RABGAP1L: variants seen among roughly 807,000 people sequenced by gnomAD.
RABGAP1L encodes the protein RAB GTPase activating protein 1 like.
Under a neutral mutation model 137.7 loss-of-function variants are expected in RABGAP1L, and 63 were observed. That is an observed-to-expected ratio of 0.46 (90% CI 0.37 to 0.56). The LOEUF (loss-of-function observed/expected upper bound fraction) is 0.56. Ranked by LOEUF, RABGAP1L falls within the 20% of genes least tolerant of loss-of-function variation. The probability of loss-of-function intolerance (pLI) is 0.00; values close to 1 mark genes in which losing one functional copy is unlikely to be tolerated. For synonymous variants in RABGAP1L, 431 were observed against 433.7 expected (o/e 0.99, Z 0.08); for missense variants, 1,095 against 1,244.0 (o/e 0.88, Z 1.80).
intron 24 of RABGAP1L, among the ~76,000 whole-genome samples, chr1:174,987,913 G>C (rs867978561): frequency 6.6e-6 from 1 of 151,970 alleles, no homozygotes; most frequent in Non-Finnish European, 1.5e-5. Flanking sequence ...GGGTTCAAGC[G>C]ATTCTCCTGC....
intron 18 of RABGAP1L, among the ~76,000 whole-genome samples, chr1:174,791,208 A>G (rs555169274): frequency 1.3e-5 from 2 of 152,260 alleles, no homozygotes; most frequent in Admixed American, 6.5e-5. Flanking sequence ...AAAAAAGAAA[A>G]AAAAATGAAT....
intron 12 of RABGAP1L, among the ~76,000 whole-genome samples, chr1:174,392,257 T>G (rs1647251889): frequency 6.6e-6 from 1 of 152,228 alleles, no homozygotes; most frequent in South Asian, 2.1e-4. Flanking sequence ...CTACTTTCCC[T>G]TTTAATTCTA....
At chr1:174,445,545 A>G (rs1198839780) in intron 13 of RABGAP1L, among the ~76,000 whole-genome samples, 1 of 152,188 alleles carries the variant, frequency 6.6e-6, no homozygotes, top group Non-Finnish European at 1.5e-5. Context: ...AGTTAAATAC[A>G]TCAAACTCAG....
Position 174,904,347 on chromosome 1 carries a change from G to A in RABGAP1L, c.2341-53110G>A, listed in dbSNP as rs188518450. 2.1e-4 allele frequency among the ~76,000 whole-genome samples: 32 copies of A among 152,202 alleles called. No homozygotes were observed. In the East Asian group the frequency reaches 5.2e-3, roughly 25 times the overall value. On this transcript the variant is annotated intron_variant, in intron 19 of 25. Coordinates refer to ENST00000681986, the MANE Select transcript of RABGAP1L (RefSeq NM_001366446.1). The stretch of plus-strand genomic sequence containing the variant: ...GGTTGTACCACTGCACTCCAGCCTG[G>A]GTGACTGAACAAGACTATGTCTCTA...
rs534658798 is a variant in RABGAP1L at position 174,880,158 on chromosome 1, A to G, written c.2340+68198A>G. On this transcript the variant is annotated intron_variant, in intron 19 of 25. Transcript: ENST00000681986. ...CTGTTGCATGCTTTCCTTGTATAAT[A>G]TACATAATTTATGTTTTTATAATTA... Among the ~76,000 whole-genome samples, 11 of 152,246 alleles carry G rather than the reference A, an allele frequency of 7.2e-5. No individual in the cohort carries two copies. The South Asian group carries it at 2.3e-3, about 32-fold the overall frequency.
Position 174,305,071 on chromosome 1 carries a change from T to C in RABGAP1L, c.1409T>C (p.Val470Ala). 1 of 1,559,414 alleles carries C rather than the reference T, an allele frequency of 6.4e-7. No individual in the cohort carries two copies. The highest frequency in any genetic ancestry group is 8.6e-7 in the Non-Finnish European group (1 of 1,158,720). ...CGAGAGTCTGACAAGGAGGAACCAGTCACTCCTACTAGTGGAGGGGGTCCA... is the reference window on the plus strand; with the variant it reads ...CGAGAGTCTGACAAGGAGGAACCAGCCACTCCTACTAGTGGAGGGGGTCCA... ...LQRESDKEEP[V>A]TPTSGGGPMS... The change falls in exon 11 of 26, where the codon GTC becomes GCC. Residue 470 changes from valine to alanine, a missense_variant. Transcript: ENST00000681986.
intron 13 of RABGAP1L, among the ~76,000 whole-genome samples, chr1:174,425,866 A>C (rs190176910): frequency 6.6e-6 from 1 of 152,032 alleles, no homozygotes; most frequent in Non-Finnish European, 1.5e-5. Context: ...AAACTTTTTA[A>C]ACACCCATTT....
intron 13 of RABGAP1L, among the ~76,000 whole-genome samples, chr1:174,612,572 A>T (rs963353955): frequency 8.5e-5 from 13 of 152,138 alleles, no homozygotes; most frequent in African/African-American, 3.1e-4. Context: ...TGGCCTCATA[A>T]AATGAGTTAG....
At chr1:174,723,909 A>T (rs911623011) in intron 17 of RABGAP1L, among the ~76,000 whole-genome samples, 3 of 152,208 alleles carry the variant, frequency 2.0e-5, no homozygotes, top group Non-Finnish European at 2.9e-5. Flanking sequence ...TGCCATGGTG[A>T]AATTGATGTT....
intron 11 of RABGAP1L, among the ~76,000 whole-genome samples, chr1:174,340,680 C>CATTTG (rs1333374625): frequency 1.3e-5 from 2 of 152,058 alleles, no homozygotes; most frequent in African/African-American, 2.4e-5. Context: ...TCTTGATGGG[C>CATTTG]ATTTGGGTTG....
chr1:174,459,974 G>T (rs1656483439), intron 13 of RABGAP1L, among the ~76,000 whole-genome samples: 1 of 152,054 alleles, frequency 6.6e-6, no homozygotes, highest in South Asian at 2.1e-4. Flanking sequence ...AGATTTCAGA[G>T]AATCATTAGG....
chr1:174,922,203 T>C (rs970629427), intron 19 of RABGAP1L: 1 of 152,374 alleles, frequency 6.6e-6, no homozygotes, highest in African/African-American at 2.4e-5. Context: ...TACCTTGCTA[T>C]GGGTGGCACC....
At chr1:174,461,595 A>G (rs1346176602) in intron 13 of RABGAP1L, among the ~76,000 whole-genome samples, 1 of 152,162 alleles carries the variant, frequency 6.6e-6, no homozygotes, top group Non-Finnish European at 1.5e-5. Context: ...CTTGAGCCGA[A>G]TTGAATTTAA....
chr1:174,623,749 A>G (rs1042097595), intron 13 of RABGAP1L, among the ~76,000 whole-genome samples: 2 of 152,276 alleles, frequency 1.3e-5, no homozygotes, highest in South Asian at 2.1e-4. Context: ...CTTGTATGGC[A>G]TGGTCCAAAG....
chr1:174,747,205 C>A (rs1419798090), intron 17 of RABGAP1L, among the ~76,000 whole-genome samples: 1 of 151,960 alleles, frequency 6.6e-6, no homozygotes, highest in Non-Finnish European at 1.5e-5. Context: ...GAATTGGAGA[C>A]CAGCTTGGGC....
chr1:174,484,115 A>G (rs192756359), intron 13 of RABGAP1L, among the ~76,000 whole-genome samples: 1 of 152,250 alleles, frequency 6.6e-6, no homozygotes, highest in Admixed American at 6.5e-5. Context: ...GGGTGAAAAG[A>G]TATCTCGTAG....
intron 19 of RABGAP1L, among the ~76,000 whole-genome samples, chr1:174,953,801 A>T (rs1668091281): frequency 6.6e-6 from 1 of 152,178 alleles, no homozygotes; most frequent in African/African-American, 2.4e-5. Context: ...TAGGGAAAGG[A>T]CGCAAACCTT....
chr1:174,460,146 A>G (rs1204193952), intron 13 of RABGAP1L, among the ~76,000 whole-genome samples: 1 of 152,158 alleles, frequency 6.6e-6, no homozygotes, highest in African/African-American at 2.4e-5. Flanking sequence ...AATTTCTGAC[A>G]ATGTTGTAAA....
intron 14 of RABGAP1L, among the ~76,000 whole-genome samples, chr1:174,662,741 G>T (rs1253379096): frequency 1.3e-5 from 2 of 152,162 alleles, no homozygotes; most frequent in Non-Finnish European, 2.9e-5. Context: ...GCATATTTTT[G>T]TCCCTGAAGA....
Sources: gnomAD v4.1 joint callset for allele counts (sites outside exome capture counted in the v4.1 genomes callset) on GRCh38, gnomAD v4.1.1 for gene constraint, MANE v1.5 for transcripts, NCBI Gene and HGNC (gene_info 2026-07-23, HGNC 2026-07-21) for gene names.